The following EPHA4 variants were observed in gnomAD, a reference collection of about 807,000 sequenced individuals.
The protein encoded by EPHA4 is ephrin type-A receptor 4.
Under a neutral mutation model 108.3 loss-of-function variants are expected in EPHA4, and 19 were observed. The observed-to-expected ratio is 0.18, with a 90% confidence interval of 0.12 to 0.26. The LOEUF is 0.26. EPHA4 is among the 10% of genes least tolerant of loss of function. The pLI, the probability that EPHA4 is intolerant of heterozygous loss-of-function variation, is 1.00. For missense variants in EPHA4, 917 were observed against 1,254.0 expected, an observed-to-expected ratio of 0.73 and a Z score of 4.06; for synonymous variants, 449 against 455.5, an observed-to-expected ratio of 0.99 and a Z score of 0.18.
intron 3 of EPHA4, among the ~76,000 whole-genome samples, chr2:221,558,956 C>T (rs116539207): frequency 2.4e-3 from 370 of 152,286 alleles, no homozygotes; most frequent in African/African-American, 8.6e-3. Context: ...GAAGCAGCAT[C>T]TCTGTGAAGT....
intron 5 of EPHA4, among the ~76,000 whole-genome samples, chr2:221,463,389 T>A (rs1691209378): frequency 6.6e-6 from 1 of 152,194 alleles, no homozygotes; most frequent in South Asian, 2.1e-4. Flanking sequence ...AAACTGAGAA[T>A]GCTTTCGAAA....
At position 221,508,553 on chromosome 2, in the gene EPHA4, T is replaced by C. The variant is rs372178243; in HGVS notation, c.824-7381A>G. ...AAGATCATGCCACTGCACTCCAGCC[T>C]GGGCAACAGAGTGAGACTCTGTCTC... is the stretch of plus-strand genomic sequence containing the variant. On this transcript the variant is annotated intron_variant, in intron 3 of 17. Transcript: ENST00000281821. Among the ~76,000 whole-genome samples the C allele has an allele frequency of 5.0e-4, 74 of 146,754 alleles. 1 individual carries two copies. In the South Asian group the frequency reaches 0.015, roughly 29 times the overall value.
intron 3 of EPHA4, among the ~76,000 whole-genome samples, chr2:221,521,005 C>T (rs758466347): frequency 2.6e-5 from 4 of 152,278 alleles, no homozygotes; most frequent in East Asian, 1.9e-4. Context: ...TGTTATATTG[C>T]GCCCCCTTTG....
At chr2:221,459,105 T>C (rs973536108) in intron 5 of EPHA4, among the ~76,000 whole-genome samples, 1 of 151,890 alleles carries the variant, frequency 6.6e-6, no homozygotes, top group African/African-American at 2.4e-5. Flanking sequence ...TCACTGAAAA[T>C]GGTATGGGAA....
intron 3 of EPHA4, among the ~76,000 whole-genome samples, chr2:221,515,284 G>A (rs373010285): frequency 6.6e-6 from 1 of 152,002 alleles, no homozygotes; most frequent in East Asian, 1.9e-4. Context: ...TAGTAGAGAC[G>A]GGGTTTCTCC....
At chr2:221,511,720 A>T (rs1208851896) in intron 3 of EPHA4, among the ~76,000 whole-genome samples, 2 of 152,222 alleles carry the variant, frequency 1.3e-5, no homozygotes, top group African/African-American at 4.8e-5. Flanking sequence ...AGAAACAAAC[A>T]AATATGTTAT....
intron 3 of EPHA4, among the ~76,000 whole-genome samples, chr2:221,505,998 G>C (rs572362015): frequency 6.6e-6 from 1 of 152,218 alleles, no homozygotes; most frequent in East Asian, 1.9e-4. Flanking sequence ...CCTTAATATA[G>C]AGTCGCTTGA....
chr2:221,446,758 A>T (rs943435733), intron 8 of EPHA4, among the ~76,000 whole-genome samples: 1 of 152,178 alleles, frequency 6.6e-6, no homozygotes, highest in African/African-American at 2.4e-5. Context: ...TGCTGCATAC[A>T]AATTCCCAAC....
At chr2:221,448,733 C>T (rs1236512757) in intron 8 of EPHA4, among the ~76,000 whole-genome samples, 1 of 152,176 alleles carries the variant, frequency 6.6e-6, no homozygotes, top group Non-Finnish European at 1.5e-5. Context: ...ACAAGTATCT[C>T]TTTTAAACCA....
intron 7 of EPHA4, among the ~76,000 whole-genome samples, chr2:221,455,980 C>A (rs1028753429): frequency 5.9e-5 from 9 of 152,084 alleles, no homozygotes; most frequent in Admixed American, 2.0e-4. Context: ...AACAAAATTT[C>A]TTTCTTGAAG....
chr2:221,550,441 G>A (rs563004906), intron 3 of EPHA4, among the ~76,000 whole-genome samples: 1 of 151,914 alleles, frequency 6.6e-6, no homozygotes, highest in South Asian at 2.1e-4. Flanking sequence ...GAGAGAGAGA[G>A]AGAGAGAGAG....
At chr2:221,542,119 G>C (rs1182729053) in intron 3 of EPHA4, among the ~76,000 whole-genome samples, 2 of 152,184 alleles carry the variant, frequency 1.3e-5, no homozygotes, top group Non-Finnish European at 2.9e-5. Flanking sequence ...CCAGAGGCCA[G>C]GGTAGGCAGG....
At chr2:221,420,742 C>A (rs78524230) in intron 17 of EPHA4, among the ~76,000 whole-genome samples, 190 bp from the exon 18 acceptor site, 24,998 of 151,928 alleles carry the variant, frequency 0.16, 2,286 homozygotes, top group African/African-American at 0.22. Flanking sequence ...GCAAAAAAAA[C>A]CTGTTTACTA....
At chr2:221,522,029 A>T (rs1028761175) in intron 3 of EPHA4, among the ~76,000 whole-genome samples, 1 of 152,170 alleles carries the variant, frequency 6.6e-6, no homozygotes, top group Admixed American at 6.5e-5. Flanking sequence ...AACCCAAAAT[A>T]GGCCGGAAAT....
At chr2:221,434,361 A>G in intron 13 of EPHA4, 70 bp from the exon 14 acceptor site, 2 of 1,528,938 alleles carry the variant, frequency 1.3e-6, no homozygotes, top group South Asian at 2.5e-5. Context: ...TTCTGAATGT[A>G]GTTCCTGCTA....
chr2:221,496,531 C>A (rs1692301447), intron 4 of EPHA4, among the ~76,000 whole-genome samples: 1 of 152,158 alleles, frequency 6.6e-6, no homozygotes, highest in African/African-American at 2.4e-5. Flanking sequence ...AAAGTATAGT[C>A]ACTTCCCTGA....
chr2:221,471,573 C>G lies in EPHA4; in HGVS notation c.1318+10779G>C, dbSNP rs145826350. On this transcript the variant is annotated intron_variant, in intron 5 of 17. Coordinates refer to ENST00000281821, the MANE Select transcript of EPHA4 (RefSeq NM_004438.5). ...AGTGGAGGGAAAGAGAAAATGCTAC[C>G]CTCCAACAAACACGTACAGTTAAGG... Among the ~76,000 whole-genome samples, 259 of 149,994 alleles carry G rather than the reference C, an allele frequency of 1.7e-3. 1 individual carries two copies. The highest frequency in any genetic ancestry group is 5.9e-3 in the African/African-American group (241 of 40,806).
intron 8 of EPHA4, among the ~76,000 whole-genome samples, chr2:221,447,164 G>C (rs990003713): frequency 6.6e-6 from 1 of 152,130 alleles, no homozygotes; most frequent in Non-Finnish European, 1.5e-5. Context: ...TCTAAAGCTT[G>C]GGAAGTTGAG....
intron 3 of EPHA4, among the ~76,000 whole-genome samples, chr2:221,522,763 T>C (rs913724095): frequency 1.3e-5 from 1 of 76,120 alleles, no homozygotes; most frequent in Non-Finnish European, 2.7e-5. Context: ...TTATTATTAT[T>C]ATTATTATTA....
Sources: allele counts gnomAD v4.1 joint callset (sites outside exome capture counted in the v4.1 genomes callset), GRCh38; gene constraint gnomAD v4.1.1; transcripts MANE v1.5; gene names NCBI Gene and HGNC (gene_info 2026-07-23, HGNC 2026-07-21).